The following CHAT variants were observed in gnomAD, a reference collection of about 807,000 sequenced individuals.
CHAT encodes acetyl CoA:choline O-acetyltransferase.
Under a neutral mutation model 76.9 loss-of-function variants are expected in CHAT, and 61 were observed. The observed-to-expected ratio is 0.79, with a 90% CI of 0.65 to 0.98. The LOEUF (loss-of-function observed/expected upper bound fraction) is 0.98, where lower values mean the gene tolerates loss of function less well. Among genes scored for constraint, CHAT ranks in the 50% least tolerant of loss-of-function variants. CHAT has a pLI of 0.00. For missense variants in CHAT, 946 were observed against 986.9 expected (o/e 0.96, Z 0.56); for synonymous variants, 407 against 397.4 (o/e 1.02, Z -0.29).
At chr10:49,664,076 C>A (rs144064982) in intron 14 of CHAT, among the ~76,000 whole-genome samples, 1 of 152,168 alleles carries the variant, frequency 6.6e-6, no homozygotes. Flanking sequence ...TTCCCAAGGA[C>A]CAGCTAATAA....
chr10:49,619,089 G>A (rs1393332439), intron 2 of CHAT, among the ~76,000 whole-genome samples: 1 of 152,152 alleles, frequency 6.6e-6, no homozygotes, highest in Non-Finnish European at 1.5e-5. Flanking sequence ...ATCATCTTCT[G>A]AGGAACCCTC....
At chr10:49,661,407 C>T (rs1186949371) in intron 13 of CHAT, 1 of 152,144 alleles carries the variant, frequency 6.6e-6, no homozygotes, top group African/African-American at 2.4e-5. Flanking sequence ...TCCTTCGGTC[C>T]TAACAGGTAG....
intron 5 of CHAT, among the ~76,000 whole-genome samples, chr10:49,625,102 T>C (rs1838868785): frequency 6.6e-6 from 1 of 152,096 alleles, no homozygotes; most frequent in Admixed American, 6.5e-5. Flanking sequence ...AAAGAGATGA[T>C]AAAGGAGTAG....
rs377059307 is a variant in CHAT, at chr10:49,632,730, C to T, written c.1111+4945C>T. 8.5e-5 allele frequency among the ~76,000 whole-genome samples: 13 copies of T among 152,300 alleles called. 1 individual carries two copies. The highest frequency in any genetic ancestry group is 2.6e-4 in the African/African-American group (11 of 41,570). ...CAACCTCTCTCCTTCAAGACACTGC[C>T]CTTGAGCCTTCACCCTGCCCCCAAC... On this transcript the variant is annotated intron_variant, in intron 7 of 14. Transcript: ENST00000337653.
Position 49,664,966 on chromosome 10 carries a change from A to G in CHAT, c.2167A>G (p.Ser723Gly). Reference protein sequence around the residue: ...ESLIDMRDLCSLLPPTESKPL... With the variant: ...ESLIDMRDLCGLLPPTESKPL... ...CCTCATTGACATGAGAGACCTCTGCAGTCTGCTGCCGCCTACTGAGAGCAA... is the reference window on the plus strand; with the variant it reads ...CCTCATTGACATGAGAGACCTCTGCGGTCTGCTGCCGCCTACTGAGAGCAA... The change falls in exon 15 of 15, where the codon AGT (serine) becomes GGT (glycine). Residue 723 changes from serine (S) to glycine (G), a missense_variant. By Grantham distance (56) the Ser-to-Gly change is moderately conservative (BLOSUM62 0). This residue lies in a region of CHAT where 349 missense variants were observed against 393.9 expected (regional missense o/e 0.89). Coordinates refer to ENST00000337653, the MANE Select transcript of CHAT (RefSeq NM_020549.5). 1.2e-6 allele frequency: 2 copies of G among 1,614,278 alleles called. No individual in the cohort carries two copies. Among genetic ancestry groups the G allele is most frequent in the East Asian group, 2.2e-5 (1 of 44,888 alleles).
intron 11 of CHAT, among the ~76,000 whole-genome samples, chr10:49,653,882 G>C (rs1405652629): frequency 2.0e-5 from 3 of 152,250 alleles, no homozygotes; most frequent in African/African-American, 7.2e-5. Flanking sequence ...AGCTGAGGGG[G>C]ACAGTGCAGC....
rs1564470001 is a variant in CHAT at position 49,615,949 on chromosome 10, A to G, written c.287-553A>G. ...CAGGCCAGGCTCCCAATTAGCCCAG[A>G]TGCATCCTGGAGCACAGGGCCTTAA... is the stretch of plus-strand genomic sequence containing the variant. On this transcript the variant is annotated intron_variant, in intron 1 of 14. Coordinates refer to ENST00000337653, the MANE Select transcript of CHAT (RefSeq NM_020549.5). 4.6e-6 allele frequency: 6 copies of G among 1,305,172 alleles called. No homozygotes were observed. In the South Asian group the frequency reaches 6.1e-5, roughly 13 times the overall value. 80.8% of individuals were successfully genotyped at this position (1,305,172 alleles called of 1,614,324 possible). A position where few individuals can be genotyped will look rare whatever the true frequency, so the allele number is the denominator to read the frequency against.
chr10:49,632,080 G>A (rs1255235432), intron 7 of CHAT, among the ~76,000 whole-genome samples: 1 of 152,176 alleles, frequency 6.6e-6, no homozygotes, highest in African/African-American at 2.4e-5. Context: ...GCCCTGGGGT[G>A]CATGAGTGTG....
intron 7 of CHAT, among the ~76,000 whole-genome samples, chr10:49,632,608 C>T (rs1054063765): frequency 6.6e-6 from 1 of 152,124 alleles, no homozygotes; most frequent in African/African-American, 2.4e-5. Context: ...AGGTCTAGAC[C>T]AAGGAGACTG....
Position 49,662,634 on chromosome 10 carries a change from C to G in CHAT, c.1840-11C>G, listed in dbSNP as rs1365391517. Reference sequence around the variant, plus strand: ...CTTCTCATCTCCTGTTCTTTGTCCCCAACTACACAGGCCATAACAGGGATG... The same window carrying G: ...CTTCTCATCTCCTGTTCTTTGTCCCGAACTACACAGGCCATAACAGGGATG... On this transcript the variant is annotated splice_polypyrimidine_tract_variant and intron_variant, in intron 13 of 14. Coordinates refer to ENST00000337653, the MANE Select transcript of CHAT (RefSeq NM_020549.5). The G allele has an allele frequency of 1.2e-6, 2 of 1,613,872 alleles. No homozygotes were observed. The highest frequency in any genetic ancestry group is 1.7e-6 in the Non-Finnish European group (2 of 1,180,012).
chr10:49,651,781 A>G (rs1439213234), intron 10 of CHAT, 103 bp from the exon 11 acceptor site: 3 of 1,244,916 alleles, frequency 2.4e-6, no homozygotes, highest in African/African-American at 1.5e-5. Flanking sequence ...CGCACCTTCC[A>G]GAACGCTAGG....
At chr10:49,646,057 C>T (rs1457228000) in intron 7 of CHAT, among the ~76,000 whole-genome samples, 1 of 152,234 alleles carries the variant, frequency 6.6e-6, no homozygotes, top group Non-Finnish European at 1.5e-5. Context: ...GTTTAGATGT[C>T]TGAAAGTCAT....
chr10:49,665,939 T>C lies in CHAT; in HGVS notation c.*893T>C, dbSNP rs1353266607. Among the ~76,000 whole-genome samples, 1 of 152,214 alleles carries C rather than the reference T, an allele frequency of 6.6e-6. No individual in the cohort carries two copies. The highest frequency in any genetic ancestry group is 2.1e-4 in the South Asian group (1 of 4,830). ...TTTTCCCCTCTCCTCCCCTCCTACA[T>C]GCTCCAGTAGGTGAAGAGAGATGGT... On this transcript the variant is annotated 3_prime_UTR_variant, in exon 15 of 15. Coordinates refer to ENST00000337653, the MANE Select transcript of CHAT (RefSeq NM_020549.5).
intron 13 of CHAT, among the ~76,000 whole-genome samples, chr10:49,655,898 TAA>T (rs1840019473): frequency 6.6e-6 from 1 of 152,178 alleles, no homozygotes; most frequent in African/African-American, 2.4e-5. Flanking sequence ...TACCTGTGAA[TAA>T]AAAGTCTTTG....
chr10:49,629,621 G>T (rs925008253), intron 7 of CHAT, among the ~76,000 whole-genome samples: 1 of 152,272 alleles, frequency 6.6e-6, no homozygotes, highest in African/African-American at 2.4e-5. Flanking sequence ...TTGCCCCAAG[G>T]TCTGAGCACT....
intron 9 of CHAT, among the ~76,000 whole-genome samples, chr10:49,648,888 G>A (rs1394268278): frequency 6.6e-6 from 1 of 152,146 alleles, no homozygotes; most frequent in Non-Finnish European, 1.5e-5. Context: ...CTTGAGAGAG[G>A]GGAAGCCTAC....
At chr10:49,651,420 C>T (rs1307030159) in intron 10 of CHAT, among the ~76,000 whole-genome samples, 1 of 152,208 alleles carries the variant, frequency 6.6e-6, no homozygotes, top group Non-Finnish European at 1.5e-5. Context: ...CCAGACACTG[C>T]TCCAGTGGGC....
At position 49,667,059 on chromosome 10, in the gene CHAT, T is replaced by C. The variant is rs904270566; in HGVS notation, c.*2013T>C. Reference sequence around the variant, plus strand: ...AGACGCAGTTCCTTCCACTGTCAAATGAGAACAAGAGTGTCCCCACTTGCA... The same window carrying C: ...AGACGCAGTTCCTTCCACTGTCAAACGAGAACAAGAGTGTCCCCACTTGCA... On this transcript the variant is annotated 3_prime_UTR_variant, in exon 15 of 15. Coordinates refer to ENST00000337653, the MANE Select transcript of CHAT (RefSeq NM_020549.5). Among the ~76,000 whole-genome samples, 1 of 152,172 alleles carries C rather than the reference T, an allele frequency of 6.6e-6. No homozygotes were observed. The highest frequency in any genetic ancestry group is 1.5e-5 in the Non-Finnish European group (1 of 68,020).
At chr10:49,626,628 C>A (rs1334352879) in intron 6 of CHAT, among the ~76,000 whole-genome samples, 1 of 152,212 alleles carries the variant, frequency 6.6e-6, no homozygotes, top group African/African-American at 2.4e-5. Context: ...ATTCAAAAGT[C>A]AAGCCAAGTA....
Sources: gnomAD v4.1 joint callset for allele counts (sites outside exome capture counted in the v4.1 genomes callset) on GRCh38, gnomAD v4.1.1 for gene constraint, gnomAD v4.1.1 regional missense constraint, MANE v1.5 for transcripts, NCBI Gene and HGNC (gene_info 2026-07-23, HGNC 2026-07-21) for gene names.